Variants in TBL1XR1 observed in about 807,000 individuals in gnomAD.
The protein encoded by TBL1XR1 is TBL1X/Y related 1.
A neutral mutation model predicts 66.9 loss-of-function variants in TBL1XR1; 5 were observed. The ratio of observed to expected loss-of-function variants is 0.07; its 90% CI spans 0.04 to 0.16. TBL1XR1 has a LOEUF of 0.16. Among genes scored for constraint, TBL1XR1 ranks in the 10% least tolerant of loss-of-function variants. TBL1XR1 has a pLI of 1.00. For synonymous variants in TBL1XR1, 210 were observed against 206.0 expected (o/e 1.02, Z -0.17); for missense variants, 238 against 623.2 (o/e 0.38, Z 6.58).
At chr3:177,187,524 G>A (rs1013020188) in intron 1 of TBL1XR1, among the ~76,000 whole-genome samples, 5 of 151,890 alleles carry the variant, frequency 3.3e-5, no homozygotes, top group African/African-American at 9.7e-5. Flanking sequence ...GACATTTATA[G>A]AAGCTAAGTG....
At chr3:177,042,139 G>A (rs1229232781) in intron 10 of TBL1XR1, among the ~76,000 whole-genome samples, 1 of 151,988 alleles carries the variant, frequency 6.6e-6, no homozygotes, top group Non-Finnish European at 1.5e-5. Flanking sequence ...CATTTTGACT[G>A]TGCACTTTCA....
intron 1 of TBL1XR1, among the ~76,000 whole-genome samples, chr3:177,128,011 G>A (rs1727847127): frequency 6.6e-6 from 1 of 152,174 alleles, no homozygotes; most frequent in South Asian, 2.1e-4. Context: ...TTGAGGTCAG[G>A]AGTTCGAGAC....
In TBL1XR1 at chr3:177,033,135, C is replaced by T; in HGVS notation, c.1252G>A (p.Ala418Thr). The T allele has an allele frequency of 3.3e-6, 5 of 1,519,298 alleles. No homozygotes were observed. Among genetic ancestry groups the T allele is most frequent in the Middle Eastern group, 1.8e-4 (1 of 5,628 alleles). 94.1% of individuals were successfully genotyped at this position (1,519,298 alleles called of 1,614,324 possible). A position where few individuals can be genotyped will look rare whatever the true frequency, so the allele number is the denominator to read the frequency against. Residue 418 changes from alanine (A) to threonine (T), a missense_variant and splice_region_variant, in exon 14 of 16, where the codon GCA (alanine) becomes ACA (threonine). Transcript: ENST00000457928. ...AACCTAACAGTAGAATCAAAGGATG[C>T]ACTGAAAAAGGAAGGAAAGAAAGTT... ...NPNANLMLAS[A>T]SFDSTVRLWD...
chr3:177,143,776 T>C (rs1033279113), intron 1 of TBL1XR1, among the ~76,000 whole-genome samples: 2 of 152,228 alleles, frequency 1.3e-5, no homozygotes, highest in African/African-American at 4.8e-5. Context: ...GGGTCTCTGA[T>C]AGTTCATTCA....
At chr3:177,097,054 T>C (rs1054334770) in intron 2 of TBL1XR1, among the ~76,000 whole-genome samples, 1 of 152,302 alleles carries the variant, frequency 6.6e-6, no homozygotes, top group African/African-American at 2.4e-5. Flanking sequence ...AAAATCCTCC[T>C]ATCAACATAC....
At chr3:177,103,495 A>G (rs1724485120) in intron 1 of TBL1XR1, among the ~76,000 whole-genome samples, 1 of 152,226 alleles carries the variant, frequency 6.6e-6, no homozygotes, top group Non-Finnish European at 1.5e-5. Context: ...GACTTAGCAG[A>G]CATCTTCTAA....
At chr3:177,061,520 C>T (rs1718514791) in intron 3 of TBL1XR1, among the ~76,000 whole-genome samples, 1 of 152,148 alleles carries the variant, frequency 6.6e-6, no homozygotes, top group African/African-American at 2.4e-5. Flanking sequence ...ATGAGACAGG[C>T]CAGGCGGAAA....
At chr3:177,178,821 T>C (rs536453734) in intron 1 of TBL1XR1, among the ~76,000 whole-genome samples, 1 of 152,122 alleles carries the variant, frequency 6.6e-6, no homozygotes, top group Non-Finnish European at 1.5e-5. Flanking sequence ...TCTTTTCTTT[T>C]ATAACCTGAT....
chr3:177,128,196 G>A (rs903067515), intron 1 of TBL1XR1, among the ~76,000 whole-genome samples: 1 of 151,932 alleles, frequency 6.6e-6, no homozygotes, highest in Non-Finnish European at 1.5e-5. Flanking sequence ...TTCAGCCTGG[G>A]TGACAGAACA....
intron 2 of TBL1XR1, among the ~76,000 whole-genome samples, chr3:177,069,982 T>C (rs1160069354): frequency 1.3e-5 from 2 of 152,228 alleles, no homozygotes; most frequent in Admixed American, 6.5e-5. Flanking sequence ...CTGTCACCTA[T>C]ATTTGTATAG....
intron 1 of TBL1XR1, among the ~76,000 whole-genome samples, chr3:177,129,655 T>C (rs989095184): frequency 2.0e-5 from 3 of 152,222 alleles, no homozygotes; most frequent in African/African-American, 4.8e-5. Context: ...ATCTGTAGTC[T>C]GTACCTTTTA....
chr3:177,072,862 G>A (rs545624367), intron 2 of TBL1XR1, among the ~76,000 whole-genome samples: 3 of 152,130 alleles, frequency 2.0e-5, no homozygotes, highest in Non-Finnish European at 2.9e-5. Context: ...TCAGGAGTTC[G>A]AGACCAGCCT....
intron 1 of TBL1XR1, among the ~76,000 whole-genome samples, chr3:177,158,417 CG>C (rs1281822710): frequency 2.0e-5 from 3 of 151,762 alleles, no homozygotes; most frequent in Non-Finnish European, 4.4e-5. Context: ...TTAGTAGACA[CG>C]GAGTTTCACC....
intron 1 of TBL1XR1, among the ~76,000 whole-genome samples, chr3:177,134,159 G>A (rs1479607187): frequency 1.3e-5 from 2 of 152,142 alleles, no homozygotes; most frequent in African/African-American, 4.8e-5. Flanking sequence ...AGCCCACTGT[G>A]ATGTCTACAA....
intron 1 of TBL1XR1, among the ~76,000 whole-genome samples, chr3:177,172,085 C>T (rs1431454768): frequency 6.6e-6 from 1 of 151,644 alleles, no homozygotes; most frequent in Non-Finnish European, 1.5e-5. Flanking sequence ...CATGGTGAAA[C>T]CCCGTCTCTA....
rs138187874 is a variant in TBL1XR1 at position 177,036,957 on chromosome 3, G to T, written c.1122+1141C>A. ...TTATTTTGGAAATAAGTATTACGTTGTTCTTTATCTCCAAATGCTTTTTTC... is the reference window on the plus strand; with the variant it reads ...TTATTTTGGAAATAAGTATTACGTTTTTCTTTATCTCCAAATGCTTTTTTC... On this transcript the variant is annotated intron_variant, in intron 12 of 15. Coordinates refer to ENST00000457928, the MANE Select transcript of TBL1XR1 (RefSeq NM_024665.7). 3.3e-5 allele frequency among the ~76,000 whole-genome samples: 5 copies of T among 152,308 alleles called. No individual in the cohort carries two copies. The East Asian group carries it at 9.6e-4, about 29-fold the overall frequency.
At chr3:177,073,268 A>G (rs2108574161) in intron 2 of TBL1XR1, among the ~76,000 whole-genome samples, 1 of 152,328 alleles carries the variant, frequency 6.6e-6, no homozygotes, top group East Asian at 1.9e-4. Flanking sequence ...TATTTTTGTC[A>G]AAGAGTTTCT....
intron 1 of TBL1XR1, among the ~76,000 whole-genome samples, chr3:177,179,214 C>T (rs73041621): frequency 4.3e-4 from 64 of 148,542 alleles, no homozygotes; most frequent in African/African-American, 1.6e-3. Context: ...AGACTAAAAA[C>T]ATGGCCAAAC....
intron 1 of TBL1XR1, among the ~76,000 whole-genome samples, chr3:177,120,084 A>G (rs982227172): frequency 5.3e-5 from 8 of 152,190 alleles, no homozygotes; most frequent in African/African-American, 1.9e-4. Context: ...ACATAACTAT[A>G]TAGAGCCTAC....
Sources: gnomAD v4.1 joint callset for allele counts (sites outside exome capture counted in the v4.1 genomes callset) on GRCh38, gnomAD v4.1.1 for gene constraint, MANE v1.5 for transcripts, NCBI Gene and HGNC (gene_info 2026-07-23, HGNC 2026-07-21) for gene names.